KIF12: variants seen among roughly 807,000 people sequenced by gnomAD.
The protein encoded by KIF12 is kinesin-like protein KIF12.
KIF12 carries 80 observed loss-of-function variants against 87.9 expected under a neutral mutation model. The observed-to-expected ratio is 0.91, with a 90% CI of 0.76 to 1.10. The LOEUF is 1.10. KIF12 is among the 50% of genes least tolerant of loss of function. The probability of loss-of-function intolerance (pLI) is 0.00; values close to 1 mark genes in which losing one functional copy is unlikely to be tolerated. For synonymous variants in KIF12, 353 were observed against 348.5 expected, an observed-to-expected ratio of 1.01 and a Z score of -0.14; for missense variants, 819 against 865.3, an observed-to-expected ratio of 0.95 and a Z score of 0.67.
At chr9:114,092,233 C>A (rs538283885) in intron 18 of KIF12, 100 bp downstream of exon 18, 53 of 1,484,898 alleles carry the variant, frequency 3.6e-5, no homozygotes, top group Non-Finnish European at 2.7e-5. Flanking sequence ...CCTCTCAACA[C>A]CCACCCCATT....
Position 114,096,279 on chromosome 9 carries a change from G to A in KIF12, c.739-72C>T, listed in dbSNP as rs188880158. 4,482 of 1,605,544 alleles carry A rather than the reference G, an allele frequency of 2.8e-3. 9 individuals are homozygous for A. Among genetic ancestry groups the A allele is most frequent in the Non-Finnish European group, 3.5e-3 (4,065 of 1,173,812 alleles). ...CAAAGCCACAAGGTTATGGGACCAAGAGTTTCCATTATTAACCCCCATGCA... is the reference window on the plus strand; with the variant it reads ...CAAAGCCACAAGGTTATGGGACCAAAAGTTTCCATTATTAACCCCCATGCA... On this transcript the variant is annotated intron_variant, in intron 8 of 18. Transcript: ENST00000640217.
chr9:114,098,853 G>T, intron 3 of KIF12, 82 bp downstream of exon 3: 1 of 1,470,558 alleles, frequency 6.8e-7, no homozygotes, highest in South Asian at 1.2e-5. Context: ...GGAGCGCGGG[G>T]CCTAGGGCAA....
intron 6 of KIF12, 62 bp from the exon 7 acceptor site, chr9:114,097,498 C>G: frequency 3.2e-6 from 5 of 1,576,024 alleles, no homozygotes; most frequent in Admixed American, 1.8e-5. Flanking sequence ...ATCCCCAGAT[C>G]TTACTGACAA....
intron 11 of KIF12, 35 bp downstream of exon 11, chr9:114,094,988 C>G (rs771886429): frequency 2.6e-6 from 4 of 1,510,620 alleles, no homozygotes; most frequent in Non-Finnish European, 3.6e-6. Context: ...AGCATCTCCA[C>G]GCCTGTCCCT....
At chr9:114,098,500 G>GTGGAGGAGGGCGGGGCACGC (rs1847338521) in intron 3 of KIF12, 71 bp from the exon 4 acceptor site, 2 of 925,790 alleles carry the variant, frequency 2.2e-6, no homozygotes, top group Non-Finnish European at 2.9e-6. Context: ...GCGGGGCACC[G>GTGGAGGAGGGCGGGGCACGC]TGGAGGAGGG....
Position 114,095,011 on chromosome 9 carries a change from G to A in KIF12, c.1119+12C>T, listed in dbSNP as rs1847155729. The A allele has an allele frequency of 1.3e-6, 2 of 1,568,036 alleles. No homozygotes were observed. The highest frequency in any genetic ancestry group is 1.7e-6 in the Non-Finnish European group (2 of 1,156,938). On this transcript the variant is annotated intron_variant, in intron 11 of 18. Coordinates refer to ENST00000640217, the MANE Select transcript of KIF12 (RefSeq NM_001388308.1). ...CACGCCTGTCCCTCAGCTTGTGCCTGCCTATACTCACCTTGGGGGCCTGTG... is the reference window on the plus strand; with the variant it reads ...CACGCCTGTCCCTCAGCTTGTGCCTACCTATACTCACCTTGGGGGCCTGTG...
chr9:114,096,837 G>A (rs1173301951), intron 7 of KIF12, among the ~76,000 whole-genome samples: 1 of 152,038 alleles, frequency 6.6e-6, no homozygotes, highest in African/African-American at 2.4e-5. Context: ...TGCCAAAGGA[G>A]GGGTGCCCAA....
chr9:114,098,117 G>A lies in KIF12; in HGVS notation c.373C>T (p.Gln125Ter). The change falls in exon 5 of 19, where the codon CAG becomes TAG. Residue 125 changes from glutamine to a stop codon, truncating the protein, a stop_gained and splice_region_variant. Transcript: ENST00000640217. LOFTEE classifies it high-confidence loss of function. ...GGGCGCCGCCGGCGCTCGCTCACCTGGGGAGGGGGTCCAGTCAGGGTGTAG... is the reference window on the plus strand; with the variant it reads ...GGGCGCCGCCGGCGCTCGCTCACCTAGGGAGGGGGTCCAGTCAGGGTGTAG... ...KTYTLTGPPP[Q>*]GEGVPVPPSL... 6.5e-7 allele frequency: 1 copy of A among 1,547,426 alleles called. No homozygotes were observed. Among genetic ancestry groups the A allele is most frequent in the Non-Finnish European group, 8.7e-7 (1 of 1,146,122 alleles).
At chr9:114,092,120 C>G (rs1172968716) in intron 18 of KIF12, 120 bp from the exon 19 acceptor site, 2 of 1,427,474 alleles carry the variant, frequency 1.4e-6, no homozygotes, top group Admixed American at 2.8e-5. Flanking sequence ...CCCTTCCCCC[C>G]ACCCCACCCC....
rs1297846649 is a variant in KIF12 at position 114,098,100 on chromosome 9, C to G, written c.375+15G>C. On this transcript the variant is annotated intron_variant, in intron 5 of 18. Coordinates refer to ENST00000640217, the MANE Select transcript of KIF12 (RefSeq NM_001388308.1). ...CCAGCCCCGCCCCGCGGGGGCGCCGCCGGCGCTCGCTCACCTGGGGAGGGG... is the reference window on the plus strand; with the variant it reads ...CCAGCCCCGCCCCGCGGGGGCGCCGGCGGCGCTCGCTCACCTGGGGAGGGG... The G allele has an allele frequency of 3.9e-6, 6 of 1,543,626 alleles. No individual in the cohort carries two copies. The Admixed American group carries it at 6.1e-5, about 16-fold the overall frequency.
chr9:114,092,664 A>C, intron 16 of KIF12, 22 bp from the exon 17 acceptor site: 1 of 1,557,042 alleles, frequency 6.4e-7, no homozygotes, highest in Non-Finnish European at 8.6e-7. Context: ...ACCAGAGTCC[A>C]CTCTGGGTGA....
chr9:114,094,136 G>T (rs761716127), intron 13 of KIF12, 45 bp downstream of exon 13: 1 of 1,572,738 alleles, frequency 6.4e-7, no homozygotes. Context: ...GCCTAGCAGT[G>T]ATGGGTGGGG....
In KIF12 at chr9:114,097,954, A is replaced by C; in HGVS notation, c.375+161T>G. The C allele has an allele frequency of 3.2e-6, 3 of 942,852 alleles. No homozygotes were observed. The South Asian group carries it at 5.3e-5, about 17-fold the overall frequency. 58.4% of individuals were successfully genotyped at this position (942,852 alleles called of 1,614,324 possible). A position where few individuals can be genotyped will look rare whatever the true frequency, so the allele number is the denominator to read the frequency against. On this transcript the variant is annotated intron_variant, in intron 5 of 18. Transcript: ENST00000640217. ...AAGCCCAAATGCTCCAAATTGGGCA[A>C]GTCCCTTCTCTTTGGTCCTCAGCGT... is the stretch of plus-strand genomic sequence containing the variant.
intron 7 of KIF12, 101 bp downstream of exon 7, chr9:114,097,200 T>A (rs1327518849): frequency 3.5e-6 from 5 of 1,446,712 alleles, no homozygotes; most frequent in Non-Finnish European, 4.6e-6. Context: ...CAGGAATCAT[T>A]TCTGAAGCTG....
intron 5 of KIF12, 116 bp downstream of exon 5, chr9:114,097,999 G>T: frequency 9.1e-7 from 1 of 1,096,934 alleles, no homozygotes. Flanking sequence ...CAAACAAGCG[G>T]GTCAGGCGGC....
At position 114,091,809 on chromosome 9, in the gene KIF12, G is replaced by A. The variant is rs1847008377; in HGVS notation, c.*52C>T. 11 of 1,523,878 alleles carry A rather than the reference G, an allele frequency of 7.2e-6. No homozygotes were observed. In the East Asian group the frequency reaches 2.6e-4, roughly 36 times the overall value. 94.4% of individuals were successfully genotyped at this position (1,523,878 alleles called of 1,614,324 possible). ...GATGGGCAGACTGAAGCCCAAGAGT[G>A]TGGAGCCCAGTCTGAGGTCACACAG... On this transcript the variant is annotated 3_prime_UTR_variant, in exon 19 of 19. Transcript: ENST00000640217.
chr9:114,093,445 G>A lies in KIF12; in HGVS notation c.1453C>T (p.Pro485Ser), dbSNP rs373736264. The change falls in exon 15 of 19, where the codon CCG becomes TCG. Residue 485 changes from proline (P) to serine (S), a missense_variant. By Grantham distance (74) the Pro-to-Ser change is moderately conservative (BLOSUM62 -1). Transcript: ENST00000640217. Reference sequence around the variant, plus strand: ...GCTGGGGCCATCAAGCAGGGACACGGTGGGGTCAGGCCAGGACCCTGCTGG... The same window carrying A: ...GCTGGGGCCATCAAGCAGGGACACGATGGGGTCAGGCCAGGACCCTGCTGG... ...HHQQGPGLTP[P>S]CPCLMAPAPP... 1.5e-5 allele frequency: 24 copies of A among 1,570,424 alleles called. No homozygotes were observed. The highest frequency in any genetic ancestry group is 2.0e-5 in the Non-Finnish European group (23 of 1,157,440).
intron 3 of KIF12, 72 bp from the exon 4 acceptor site, chr9:114,098,501 T>TGGAGGGGCGGGGCACGCG: frequency 1.3e-6 from 1 of 767,786 alleles, no homozygotes; most frequent in Non-Finnish European, 1.7e-6. Context: ...CGGGGCACCG[T>TGGAGGGGCGGGGCACGCG]GGAGGAGGGC....
chr9:114,098,849 C>G (rs1481108183), intron 3 of KIF12, 86 bp downstream of exon 3: 1 of 1,451,878 alleles, frequency 6.9e-7, no homozygotes, highest in African/African-American at 1.4e-5. Context: ...CGGGGGAGCG[C>G]GGGGCCTAGG....
Sources: gnomAD v4.1 joint callset for allele counts (sites outside exome capture counted in the v4.1 genomes callset) on GRCh38, gnomAD v4.1.1 for gene constraint, MANE v1.5 for transcripts, NCBI Gene and HGNC (gene_info 2026-07-23, HGNC 2026-07-21) for gene names.